RNF170: variants seen among roughly 807,000 people sequenced by gnomAD.
The protein encoded by RNF170 is ring finger protein 170, also known as E3 ubiquitin-protein ligase RNF170.
Under a neutral mutation model 32.7 loss-of-function variants are expected in RNF170, and 12 were observed. The observed-to-expected ratio is 0.37, with a 90% confidence interval of 0.24 to 0.60. RNF170 has a LOEUF of 0.60. RNF170 is among the 20% of genes least tolerant of loss of function. The pLI is 0.72. For synonymous variants in RNF170, 91 were observed against 103.6 expected, an observed-to-expected ratio of 0.88 and a Z score of 0.74; for missense variants, 212 against 311.2, an observed-to-expected ratio of 0.68 and a Z score of 2.40.
chr8:42,883,570 G>GAAAAAA (rs34475440), intron 2 of RNF170, among the ~76,000 whole-genome samples: 1 of 43,752 alleles, frequency 2.3e-5, no homozygotes, highest in Non-Finnish European at 4.1e-5. Flanking sequence ...CTCTGTCTCA[G>GAAAAAA]AAAAAAAAAA....
intron 2 of RNF170, 67 bp downstream of exon 2, chr8:42,887,661 A>G: frequency 2.2e-6 from 3 of 1,387,980 alleles, no homozygotes; most frequent in Non-Finnish European, 3.1e-6. Flanking sequence ...AGTATTATAC[A>G]TTATTAGGGG....
intron 5 of RNF170, among the ~76,000 whole-genome samples, chr8:42,865,077 G>A (rs1243580065): frequency 1.3e-5 from 2 of 151,416 alleles, no homozygotes; most frequent in African/African-American, 4.8e-5. Context: ...GGCAATGCAG[G>A]GAGACCTCAT....
Position 42,853,359 on chromosome 8 carries a change from A to T in RNF170, c.*2800T>A. 8.0e-7 allele frequency: 1 copy of T among 1,255,484 alleles called. No homozygotes were observed. The highest frequency in any genetic ancestry group is 1.3e-5 in the South Asian group (1 of 76,430). 77.8% of individuals were successfully genotyped at this position (1,255,484 alleles called of 1,614,324 possible). A position where few individuals can be genotyped will look rare whatever the true frequency, so the allele number is the denominator to read the frequency against. ...AAAATGCTTGACAAACTCTTTAATC[A>T]CAAGGTTTGAACCAAACCACCAGTC... On this transcript the variant is annotated 3_prime_UTR_variant, in exon 7 of 7. Coordinates refer to ENST00000527424, the MANE Select transcript of RNF170 (RefSeq NM_030954.4).
At chr8:42,893,000 G>C (rs1333489882) in intron 1 of RNF170, among the ~76,000 whole-genome samples, 1 of 152,002 alleles carries the variant, frequency 6.6e-6, no homozygotes, top group Non-Finnish European at 1.5e-5. Context: ...AAACTGCCCA[G>C]ATTTGATCAT....
At chr8:42,892,268 C>T (rs570254549) in intron 1 of RNF170, among the ~76,000 whole-genome samples, 2 of 152,310 alleles carry the variant, frequency 1.3e-5, no homozygotes, top group African/African-American at 4.8e-5. Flanking sequence ...ACTGCAGCCT[C>T]GACCTCCCAG....
At chr8:42,864,045 CT>C (rs747091463) in intron 5 of RNF170, among the ~76,000 whole-genome samples, 4,498 of 127,882 alleles carry the variant, frequency 0.035, 206 homozygotes, top group African/African-American at 0.11. Flanking sequence ...TGGAGGAATA[CT>C]TTTTTTTTTT....
At chr8:42,867,408 T>C (rs1298847850) in intron 4 of RNF170, among the ~76,000 whole-genome samples, 1 of 142,454 alleles carries the variant, frequency 7.0e-6, no homozygotes, top group African/African-American at 2.7e-5. Context: ...GAGGTGGAGG[T>C]TGCAGTGAGC....
intron 2 of RNF170, among the ~76,000 whole-genome samples, chr8:42,880,705 G>C (rs1453627336): frequency 6.6e-6 from 1 of 151,856 alleles, no homozygotes; most frequent in African/African-American, 2.4e-5. Flanking sequence ...GGGAGGTGAA[G>C]GTTGCAGTGA....
intron 5 of RNF170, among the ~76,000 whole-genome samples, chr8:42,863,567 A>T (rs1194964187): frequency 1.3e-5 from 2 of 152,144 alleles, no homozygotes; most frequent in East Asian, 3.8e-4. Context: ...TCAGCCTCCC[A>T]AGTAGCTGGG....
chr8:42,876,955 T>C (rs1387889491), intron 2 of RNF170, among the ~76,000 whole-genome samples: 1 of 133,632 alleles, frequency 7.5e-6, no homozygotes, highest in East Asian at 2.1e-4. Flanking sequence ...GTGCCCGGAC[T>C]TTTTTTTTTT....
Position 42,856,213 on chromosome 8 carries a change from A to G in RNF170, c.723T>C (p.Leu241=), listed in dbSNP as rs772411815. The G allele has an allele frequency of 3.7e-6, 6 of 1,610,800 alleles. No individual in the cohort carries two copies. Among genetic ancestry groups the G allele is most frequent in the Non-Finnish European group, 4.2e-6 (5 of 1,178,550 alleles). Residue 241 remains leucine (L), a synonymous_variant, in exon 7 of 7, where the codon CTT becomes CTC. Transcript: ENST00000527424. ...LDDFFVIFLL[L]IYISIMYREV... ...CTCGATACATAATAGAGATGTAGAT[A>G]AGCAATAAAAAGATGACAAAGAAAT...
intron 4 of RNF170, among the ~76,000 whole-genome samples, chr8:42,866,269 C>T (rs991121162): frequency 6.6e-6 from 1 of 152,076 alleles, no homozygotes; most frequent in African/African-American, 2.4e-5. Flanking sequence ...TGGCCAGGCG[C>T]GGTGGCTCAC....
In RNF170 at chr8:42,861,736, A is replaced by G. The variant is rs763173872; in HGVS notation, c.507+9T>C. ...CCTCTAACTTTGAACATGCTTTAGC[A>G]TTACTTACAGATCTGGGTTGCCCTG... On this transcript the variant is annotated intron_variant, in intron 6 of 6. Coordinates refer to ENST00000527424, the MANE Select transcript of RNF170 (RefSeq NM_030954.4). 2.3e-5 allele frequency: 37 copies of G among 1,580,592 alleles called. No individual in the cohort carries two copies. The highest frequency in any genetic ancestry group is 3.3e-4 in the Middle Eastern group (2 of 6,004).
chr8:42,887,816 AATC>A lies in RNF170; in HGVS notation c.46_48del (p.Asp16del). The A allele has an allele frequency of 6.2e-7, 1 of 1,613,058 alleles. No individual in the cohort carries two copies. The highest frequency in any genetic ancestry group is 2.2e-5 in the East Asian group (1 of 44,862). ...TGGTCGCTTACTCCTTCTATAACTG[AATC>A]ATCATCCAGTTTCAAACTTTGAACT... On this transcript the variant is annotated inframe_deletion, in exon 2 of 7. Transcript: ENST00000527424.
chr8:42,856,060 A>C lies in RNF170; in HGVS notation c.*99T>G. On this transcript the variant is annotated 3_prime_UTR_variant, in exon 7 of 7. Transcript: ENST00000527424. ...ATAGTGGTTTTATATTTGTGAGATAATACTCCATTGCTTCATTGCTTTATA... is the reference window on the plus strand; with the variant it reads ...ATAGTGGTTTTATATTTGTGAGATACTACTCCATTGCTTCATTGCTTTATA... 6.3e-7 allele frequency: 1 copy of C among 1,597,232 alleles called. No individual in the cohort carries two copies. Among genetic ancestry groups the C allele is most frequent in the Non-Finnish European group, 8.5e-7 (1 of 1,173,558 alleles).
intron 2 of RNF170, chr8:42,881,362 A>G (rs191357871): frequency 6.6e-6 from 1 of 152,338 alleles, no homozygotes; most frequent in East Asian, 1.9e-4. Context: ...TAACTTTGGC[A>G]TCAATATGAT....
At chr8:42,876,629 C>A (rs141983396) in intron 2 of RNF170, among the ~76,000 whole-genome samples, 2 of 150,920 alleles carry the variant, frequency 1.3e-5, no homozygotes, top group African/African-American at 4.8e-5. Flanking sequence ...TTAAGCCACC[C>A]AGTCTATGGT....
At chr8:42,881,605 G>A (rs1314294079) in intron 2 of RNF170, 1 of 152,140 alleles carries the variant, frequency 6.6e-6, no homozygotes, top group Non-Finnish European at 1.5e-5. Flanking sequence ...GCAGCTGCAG[G>A]TCATTTTCCT....
intron 6 of RNF170, among the ~76,000 whole-genome samples, chr8:42,861,145 A>T (rs1803626091): frequency 6.6e-6 from 1 of 152,260 alleles, no homozygotes; most frequent in Non-Finnish European, 1.5e-5. Flanking sequence ...AGTATCACAA[A>T]GAAGTAAATA....
Sources: allele counts gnomAD v4.1 joint callset (sites outside exome capture counted in the v4.1 genomes callset), GRCh38; gene constraint gnomAD v4.1.1; transcripts MANE v1.5; gene names NCBI Gene and HGNC (gene_info 2026-07-23, HGNC 2026-07-21).